Variants in NUP155 observed in about 807,000 individuals in gnomAD.
NUP155 encodes nucleoporin 155.
A neutral mutation model predicts 180.4 loss-of-function variants in NUP155; 71 were observed. The ratio of observed to expected loss-of-function variants is 0.39; its 90% CI spans 0.33 to 0.48. The LOEUF (loss-of-function observed/expected upper bound fraction) is 0.48. Ranked by LOEUF, NUP155 falls within the 20% of genes least tolerant of loss-of-function variation. The pLI is 0.91. For synonymous variants in NUP155, 582 were observed against 559.5 expected (o/e 1.04, Z -0.57); for missense variants, 1,553 against 1,648.9 (o/e 0.94, Z 1.01).
intron 9 of NUP155, among the ~76,000 whole-genome samples, chr5:37,348,127 T>C (rs1448041957): frequency 6.6e-6 from 1 of 151,454 alleles, no homozygotes; most frequent in Non-Finnish European, 1.5e-5. Flanking sequence ...AGAGCGAAAC[T>C]CCATCTCAAA....
In NUP155 at chr5:37,298,800, T is replaced by C. The variant is rs183367536; in HGVS notation, c.3793+68A>G. 204 of 836,524 alleles carry C rather than the reference T, an allele frequency of 2.4e-4. 1 individual carries two copies. The African/African-American group carries it at 3.0e-3, about 12-fold the overall frequency. The allele number at this position is 836,524 out of a possible 1,614,324, so 51.8% of individuals were successfully genotyped here. ...TTTATTTTACTCGAAAGATCGTTAT[T>C]TGTCCATATCAACGGAGAAAACCAT... On this transcript the variant is annotated intron_variant, in intron 32 of 34. Coordinates refer to ENST00000231498, the MANE Select transcript of NUP155 (RefSeq NM_153485.3).
rs545027412 is a variant in NUP155 at position 37,360,803 on chromosome 5, C to T, written c.393-2652G>A. ...AAAAAAAAAGGGGGGGGGGTCCAGG[C>T]GCAGTGGCTTACACCTGTAATCCCA... is the stretch of plus-strand genomic sequence containing the variant. On this transcript the variant is annotated intron_variant, in intron 3 of 34. Coordinates refer to ENST00000231498, the MANE Select transcript of NUP155 (RefSeq NM_153485.3). Among the ~76,000 whole-genome samples the T allele has an allele frequency of 7.3e-5, 11 of 149,668 alleles. No individual in the cohort carries two copies. The East Asian group carries it at 9.9e-4, about 13-fold the overall frequency.
intron 11 of NUP155, 24 bp from the exon 12 acceptor site, chr5:37,337,942 T>G: frequency 7.6e-7 from 1 of 1,317,700 alleles, no homozygotes; most frequent in Non-Finnish European, 1.1e-6. Flanking sequence ...ATACAAAATA[T>G]TATTACATCA....
chr5:37,329,532 A>T (rs1171832401), intron 15 of NUP155, among the ~76,000 whole-genome samples: 1 of 152,266 alleles, frequency 6.6e-6, no homozygotes, highest in African/African-American at 2.4e-5. Flanking sequence ...TATGCAATGC[A>T]TAGAATTTAC....
chr5:37,321,554 T>C (rs959827410), intron 20 of NUP155, among the ~76,000 whole-genome samples: 4 of 151,850 alleles, frequency 2.6e-5, no homozygotes, highest in African/African-American at 4.8e-5. Context: ...CCATCTCTAC[T>C]AAAAATACAA....
At chr5:37,350,457 T>C (rs1453128658) in intron 6 of NUP155, among the ~76,000 whole-genome samples, 192 bp from the exon 7 acceptor site, 1 of 152,134 alleles carries the variant, frequency 6.6e-6, no homozygotes, top group African/African-American at 2.4e-5. Context: ...TAATTTAAAA[T>C]ATCAACCAAA....
chr5:37,301,179 A>C (rs1742844734), intron 30 of NUP155: 1 of 391,840 alleles, frequency 2.6e-6, no homozygotes, highest in Non-Finnish European at 4.8e-6. Context: ...GGCTGGAAAT[A>C]AGCTGGTTTT....
chr5:37,293,388 C>T (rs1036565489), intron 33 of NUP155, among the ~76,000 whole-genome samples: 4 of 147,574 alleles, frequency 2.7e-5, no homozygotes, highest in African/African-American at 9.9e-5. Flanking sequence ...CTAGGTCTGG[C>T]TTCACCAGTT....
At chr5:37,319,565 T>G (rs779569374) in intron 20 of NUP155, among the ~76,000 whole-genome samples, 1 of 152,142 alleles carries the variant, frequency 6.6e-6, no homozygotes, top group Non-Finnish European at 1.5e-5. Flanking sequence ...TATGAATATG[T>G]TAAACATATT....
chr5:37,335,253 T>C (rs1253356921), intron 12 of NUP155, among the ~76,000 whole-genome samples: 1 of 151,608 alleles, frequency 6.6e-6, no homozygotes, highest in Non-Finnish European at 1.5e-5. Flanking sequence ...TGGTGGCGTG[T>C]GCCTGTATTC....
intron 3 of NUP155, among the ~76,000 whole-genome samples, chr5:37,358,889 C>G (rs1202603858): frequency 6.6e-6 from 1 of 151,966 alleles, no homozygotes; most frequent in African/African-American, 2.4e-5. Context: ...TGGTGGCGCA[C>G]GCCTGTGGTC....
At chr5:37,309,095 G>A (rs773040896) in intron 24 of NUP155, 34 bp downstream of exon 24, 1 of 1,604,908 alleles carries the variant, frequency 6.2e-7, no homozygotes, top group Non-Finnish European at 8.5e-7. Context: ...CTTTTGAGTT[G>A]AGTAAAAGAT....
intron 29 of NUP155, 142 bp from the exon 30 acceptor site, chr5:37,301,692 T>C: frequency 1.5e-6 from 1 of 679,350 alleles, no homozygotes; most frequent in Middle Eastern, 3.4e-4. Context: ...GCTAATATTA[T>C]CATAACAGAC....
intron 1 of NUP155, among the ~76,000 whole-genome samples, chr5:37,364,674 T>A (rs1327595992): frequency 1.3e-5 from 2 of 151,722 alleles, no homozygotes. Flanking sequence ...TCTCGCACTG[T>A]CGCCCAGGCT....
At chr5:37,313,469 GTA>G (rs1202307771) in intron 22 of NUP155, among the ~76,000 whole-genome samples, 39 of 105,030 alleles carry the variant, frequency 3.7e-4, no homozygotes, top group South Asian at 9.6e-4. Context: ...TAGGAGTGGT[GTA>G]TATGTGTGTG....
chr5:37,331,712 C>A lies in NUP155; in HGVS notation c.1602G>T (p.Glu534Asp). The A allele has an allele frequency of 1.2e-6, 2 of 1,604,782 alleles. No homozygotes were observed. Among genetic ancestry groups the A allele is most frequent in the Non-Finnish European group, 1.7e-6 (2 of 1,173,262 alleles). The change falls in exon 14 of 35, where the codon GAG (glutamate) becomes GAT (aspartate). Residue 534 changes from glutamate (E) to aspartate (D), a missense_variant. Coordinates refer to ENST00000231498, the MANE Select transcript of NUP155 (RefSeq NM_153485.3). ...GATGTAATTTAAAGAATCTTTCAAT[C>A]TCTTCTCCATCTCCTCCCACATTAC... ...LVSNVGGDGE[E>D]IERFFKLHQE...
chr5:37,293,662 G>A (rs910500821), intron 33 of NUP155, among the ~76,000 whole-genome samples: 1 of 152,166 alleles, frequency 6.6e-6, no homozygotes, highest in Non-Finnish European at 1.5e-5. Flanking sequence ...TTTAGATGAG[G>A]TTATAGTAAA....
At chr5:37,325,276 G>A (rs1744515973) in intron 19 of NUP155, among the ~76,000 whole-genome samples, 2 of 152,156 alleles carry the variant, frequency 1.3e-5, no homozygotes, top group African/African-American at 4.8e-5. Flanking sequence ...AGTAAAATTT[G>A]AGCAATATTA....
In NUP155 at chr5:37,338,531, C is replaced by T. The variant is rs375410784; in HGVS notation, c.1247-613G>A. ...ACGTCATTCTCCTGCCTCAGCCTCC[C>T]GAGTAGCTGGGACTACGGCACCTGC... On this transcript the variant is annotated intron_variant, in intron 11 of 34. Coordinates refer to ENST00000231498, the MANE Select transcript of NUP155 (RefSeq NM_153485.3). 9.2e-5 allele frequency among the ~76,000 whole-genome samples: 14 copies of T among 151,434 alleles called. No individual in the cohort carries two copies. In the East Asian group the frequency reaches 1.4e-3, roughly 15 times the overall value.
Sources: allele counts gnomAD v4.1 joint callset (sites outside exome capture counted in the v4.1 genomes callset), GRCh38; gene constraint gnomAD v4.1.1; transcripts MANE v1.5; gene names NCBI Gene and HGNC (gene_info 2026-07-23, HGNC 2026-07-21).